The following EIPR1 variants were observed in gnomAD, a reference collection of about 807,000 sequenced individuals.
EIPR1 encodes EARP and GARP complex-interacting protein 1.
EIPR1 carries 25 observed loss-of-function variants against 48.1 expected under a neutral mutation model. The observed-to-expected ratio is 0.52, with a 90% CI of 0.38 to 0.73. The LOEUF is 0.73. EIPR1 is among the 30% of genes least tolerant of loss of function. The probability of loss-of-function intolerance (pLI) is 0.00; values close to 1 mark genes in which losing one functional copy is unlikely to be tolerated. For missense variants in EIPR1, 415 were observed against 506.2 expected, an observed-to-expected ratio of 0.82 and a Z score of 1.73; for synonymous variants, 204 against 201.9, an observed-to-expected ratio of 1.01 and a Z score of -0.09.
At chr2:3,322,224 C>T (rs1186647602) in intron 3 of EIPR1, among the ~76,000 whole-genome samples, 2 of 152,194 alleles carry the variant, frequency 1.3e-5, no homozygotes, top group Non-Finnish European at 2.9e-5. Flanking sequence ...GGTGAGGACC[C>T]TAAAGCAGCG....
At chr2:3,293,105 T>G (rs1447139969) in intron 3 of EIPR1, among the ~76,000 whole-genome samples, 1 of 152,202 alleles carries the variant, frequency 6.6e-6, no homozygotes, top group Non-Finnish European at 1.5e-5. Flanking sequence ...TTCCTTTCAT[T>G]CCATCACAGA....
chr2:3,223,616 C>A lies in EIPR1; in HGVS notation c.417-9368G>T, dbSNP rs572504267. 3.7e-4 allele frequency among the ~76,000 whole-genome samples: 56 copies of A among 152,314 alleles called. No homozygotes were observed. The East Asian group carries it at 6.0e-3, about 16-fold the overall frequency. On this transcript the variant is annotated intron_variant, in intron 4 of 8. Transcript: ENST00000382125. ...CCTAGAACCCCATGGAAAGGGTTTG[C>A]TACTCAGTATCCAAAGCGCCCCACT...
intron 5 of EIPR1, among the ~76,000 whole-genome samples, chr2:3,209,818 G>A (rs1237285160): frequency 2.0e-5 from 3 of 152,206 alleles, no homozygotes; most frequent in Non-Finnish European, 4.4e-5. Flanking sequence ...CCTGGAAAAA[G>A]CAAAACAATG....
chr2:3,286,740 C>G lies in EIPR1; in HGVS notation c.260-29285G>C, dbSNP rs1412015569. Among the ~76,000 whole-genome samples the G allele has an allele frequency of 6.6e-6, 1 of 152,254 alleles. No homozygotes were observed. Among genetic ancestry groups the G allele is most frequent in the Non-Finnish European group, 1.5e-5 (1 of 68,044 alleles). On this transcript the variant is annotated intron_variant, in intron 3 of 8. Transcript: ENST00000382125. The surrounding 1 kb of genome is among the most constrained non-coding windows in gnomAD (Gnocchi z 4.2). Reference sequence around the variant, plus strand: ...TGCGTCCCCACGTGCTGAGTCCATCCTCCCAGCAGCTCCAAGAGGCGGAGC... The same window carrying G: ...TGCGTCCCCACGTGCTGAGTCCATCGTCCCAGCAGCTCCAAGAGGCGGAGC...
chr2:3,338,593 G>A (rs896559903), intron 2 of EIPR1, among the ~76,000 whole-genome samples: 8 of 152,144 alleles, frequency 5.3e-5, no homozygotes, highest in African/African-American at 1.7e-4. Context: ...GACTGACCAC[G>A]CCTGGCCCAC....
intron 4 of EIPR1, among the ~76,000 whole-genome samples, chr2:3,237,221 TAC>T (rs35498711): frequency 0.2 from 25,724 of 127,470 alleles, 2,646 homozygotes; most frequent in Middle Eastern, 0.26. Context: ...TTTTGAAAAC[TAC>T]ACACACACAC....
chr2:3,249,107 C>T (rs554885983), intron 4 of EIPR1, among the ~76,000 whole-genome samples: 104 of 152,158 alleles, frequency 6.8e-4, no homozygotes, highest in African/African-American at 2.4e-3. Flanking sequence ...GACTGGGTAA[C>T]GAGCGGAGGT....
intron 5 of EIPR1, chr2:3,207,700 T>C (rs1665285629): frequency 6.6e-6 from 1 of 152,194 alleles, no homozygotes; most frequent in Non-Finnish European, 1.5e-5. Flanking sequence ...TGTTTTGTAT[T>C]ACCAGAAAGA....
intron 3 of EIPR1, among the ~76,000 whole-genome samples, chr2:3,266,508 G>A (rs935447233): frequency 1.3e-5 from 2 of 152,246 alleles, no homozygotes; most frequent in Non-Finnish European, 2.9e-5. Context: ...TGCAGGGGCA[G>A]AGACTGATTG....
chr2:3,189,382 G>A lies in EIPR1; in HGVS notation c.1116C>T (p.Leu372=), dbSNP rs145385484. 4.1e-5 allele frequency: 65 copies of A among 1,602,196 alleles called. 1 individual carries two copies. In the East Asian group the frequency reaches 5.6e-4, roughly 14 times the overall value. The change falls in exon 9 of 9, where the codon CTC becomes CTT. Residue 372 remains leucine (L), a synonymous_variant. Coordinates refer to ENST00000382125, the MANE Select transcript of EIPR1 (RefSeq NM_003310.5). The surrounding 1 kb of genome is among the most constrained non-coding windows in gnomAD (Gnocchi z 4.6). ...GGGCCCTGGGCACCCTGTTGATCAC[G>A]AGCCTCCCGTCATAGCTCAGGGAGG... The part of the protein sequence containing the change: ...LFASLSYDGR[L]VINRVPRALK...
chr2:3,261,351 A>G (rs1354631842), intron 3 of EIPR1, among the ~76,000 whole-genome samples: 1 of 152,220 alleles, frequency 6.6e-6, no homozygotes, highest in Non-Finnish European at 1.5e-5. Context: ...ATGAATGAGC[A>G]GAAGGCTGAG....
chr2:3,289,861 G>A (rs1668313985), intron 3 of EIPR1, among the ~76,000 whole-genome samples: 1 of 152,220 alleles, frequency 6.6e-6, no homozygotes, highest in Non-Finnish European at 1.5e-5. Context: ...CAGGCCACAA[G>A]ATACTGGCCC....
At chr2:3,242,816 AAC>A (rs1170975293) in intron 4 of EIPR1, among the ~76,000 whole-genome samples, 2 of 152,260 alleles carry the variant, frequency 1.3e-5, no homozygotes, top group South Asian at 2.1e-4. Context: ...AATCGTTTAC[AAC>A]ACACAGACTT....
chr2:3,325,450 A>G (rs1289925594), intron 3 of EIPR1, among the ~76,000 whole-genome samples: 3 of 152,220 alleles, frequency 2.0e-5, no homozygotes, highest in Non-Finnish European at 4.4e-5. Context: ...AAGACAGTGA[A>G]GCGGTGACAG....
intron 3 of EIPR1, among the ~76,000 whole-genome samples, chr2:3,270,386 T>C (rs1227628824): frequency 6.6e-6 from 1 of 152,206 alleles, no homozygotes; most frequent in Non-Finnish European, 1.5e-5. Flanking sequence ...TCCAGGTTCA[T>C]TACCTTTTCC....
At chr2:3,243,083 A>G (rs1350205492) in intron 4 of EIPR1, among the ~76,000 whole-genome samples, 1 of 152,186 alleles carries the variant, frequency 6.6e-6, no homozygotes, top group Non-Finnish European at 1.5e-5. Flanking sequence ...ACACTGGGTA[A>G]CTCAGTTATT....
chr2:3,354,150 G>A (rs1329451073), intron 2 of EIPR1, among the ~76,000 whole-genome samples: 1 of 152,154 alleles, frequency 6.6e-6, no homozygotes. Flanking sequence ...CAAGTGGCCT[G>A]GGTCAAGTAG....
At chr2:3,310,545 T>A (rs35441735) in intron 3 of EIPR1, among the ~76,000 whole-genome samples, 1 of 142,064 alleles carries the variant, frequency 7.0e-6, no homozygotes, top group Admixed American at 7.1e-5. Flanking sequence ...CCCAGCTACT[T>A]GGGAGGCTGA....
intron 4 of EIPR1, among the ~76,000 whole-genome samples, chr2:3,241,332 T>G (rs1401485456): frequency 6.6e-6 from 1 of 152,230 alleles, no homozygotes; most frequent in Non-Finnish European, 1.5e-5. Flanking sequence ...TTATCGTATC[T>G]TTCACTATTT....
Sources: gnomAD v4.1 joint callset for allele counts (sites outside exome capture counted in the v4.1 genomes callset) on GRCh38, gnomAD v4.1.1 for gene constraint, Gnocchi (gnomAD v3.1) non-coding constraint, MANE v1.5 for transcripts, NCBI Gene and HGNC (gene_info 2026-07-23, HGNC 2026-07-21) for gene names.